Variants in SLC24A2 observed in about 807,000 individuals in gnomAD.
SLC24A2 encodes the protein solute carrier family 24 member 2, also known as sodium/potassium/calcium exchanger 2.
In SLC24A2, 36 loss-of-function variants were observed where a neutral mutation model predicts 62.0. The ratio of observed to expected loss-of-function variants is 0.58; its 90% CI spans 0.44 to 0.77. SLC24A2 has a LOEUF of 0.77. SLC24A2 is among the 30% of genes least tolerant of loss of function. The pLI, the probability that SLC24A2 is intolerant of heterozygous loss-of-function variation, is 0.00. For missense variants in SLC24A2, 846 were observed against 817.9 expected (o/e 1.03, Z -0.42); for synonymous variants, 358 against 294.0 (o/e 1.22, Z -2.23).
the SLC24A2 span, among the ~76,000 whole-genome samples, chr9:20,206,785 T>C: frequency 1.3e-5 from 2 of 152,202 alleles, no homozygotes; most frequent in South Asian, 2.1e-4. Context: ...GGCCGCTTTA[T>C]TACTTTTAAT....
the SLC24A2 span, among the ~76,000 whole-genome samples, chr9:20,195,993 G>C: frequency 2.3e-4 from 35 of 152,020 alleles, no homozygotes; most frequent in African/African-American, 8.2e-4. Context: ...AATACCAAAG[G>C]TCAATAAACA....
chr9:19,692,266 T>C (rs527497397), intron 2 of SLC24A2, among the ~76,000 whole-genome samples: 127 of 152,278 alleles, frequency 8.3e-4, no homozygotes, highest in Non-Finnish European at 1.6e-3. Flanking sequence ...TGTTGTCAAG[T>C]CACAAAACAG....
At chr9:19,533,510 G>C (rs1238797354) in intron 8 of SLC24A2, among the ~76,000 whole-genome samples, 1 of 152,226 alleles carries the variant, frequency 6.6e-6, no homozygotes, top group Non-Finnish European at 1.5e-5. Flanking sequence ...TTTCAAACTA[G>C]ATCTCAAGAG....
the SLC24A2 span, among the ~76,000 whole-genome samples, chr9:19,813,259 C>A: frequency 6.6e-6 from 1 of 151,932 alleles, no homozygotes. Flanking sequence ...TGGGCAAATA[C>A]CCTCAGAGAG....
the SLC24A2 span, among the ~76,000 whole-genome samples, chr9:19,948,800 G>A: frequency 2.2e-5 from 3 of 135,082 alleles, no homozygotes; most frequent in East Asian, 2.3e-4. Flanking sequence ...AGCGGAGATC[G>A]CGCCACAGCA....
At chr9:20,052,998 T>G in the SLC24A2 span, among the ~76,000 whole-genome samples, 15 of 152,222 alleles carry the variant, frequency 9.9e-5, no homozygotes, top group Non-Finnish European at 1.5e-4. Context: ...ATCTCCACTT[T>G]TTTAAAAGCA....
the SLC24A2 span, among the ~76,000 whole-genome samples, chr9:19,965,812 C>T: frequency 1.3e-5 from 2 of 152,156 alleles, no homozygotes; most frequent in African/African-American, 2.4e-5. Flanking sequence ...CATCCTGCAA[C>T]CAGAAGGAAT....
chr9:19,663,223 C>T (rs1211319683), intron 2 of SLC24A2, among the ~76,000 whole-genome samples: 1 of 152,192 alleles, frequency 6.6e-6, no homozygotes, highest in Non-Finnish European at 1.5e-5. Flanking sequence ...GGTCAGGAGA[C>T]TTGCTCAAGG....
chr9:20,275,564 G>A, the SLC24A2 span, among the ~76,000 whole-genome samples: 337 of 152,276 alleles, frequency 2.2e-3, 1 homozygote, highest in African/African-American at 7.5e-3. Context: ...TCCCAGCTCT[G>A]ATGAGGCCTT....
At chr9:19,929,949 C>T in the SLC24A2 span, 1 of 147,880 alleles carries the variant, frequency 6.8e-6, no homozygotes, top group African/African-American at 2.7e-5. Context: ...TATAGAATAA[C>T]GATATAAAAA....
chr9:19,700,707 T>G (rs1820331760), intron 2 of SLC24A2, among the ~76,000 whole-genome samples: 1 of 152,216 alleles, frequency 6.6e-6, no homozygotes, highest in African/African-American at 2.4e-5. Context: ...CTCCCTAGAT[T>G]CTGGATTTAT....
chr9:19,577,653 G>T (rs1375320453), intron 5 of SLC24A2, among the ~76,000 whole-genome samples: 1 of 152,062 alleles, frequency 6.6e-6, no homozygotes, highest in African/African-American at 2.4e-5. Flanking sequence ...GATTCCATTT[G>T]TGGATTTAGG....
chr9:19,699,666 A>G (rs1052266734), intron 2 of SLC24A2, among the ~76,000 whole-genome samples: 18 of 152,212 alleles, frequency 1.2e-4, no homozygotes, highest in African/African-American at 4.3e-4. Flanking sequence ...TGTATCATAA[A>G]CACTGGAAAG....
At chr9:20,008,130 A>G in the SLC24A2 span, among the ~76,000 whole-genome samples, 5 of 151,686 alleles carry the variant, frequency 3.3e-5, no homozygotes, top group African/African-American at 1.2e-4. Flanking sequence ...TCCTGACCTC[A>G]AGTGATCCAC....
chr9:20,007,569 T>G, the SLC24A2 span, among the ~76,000 whole-genome samples: 1 of 152,122 alleles, frequency 6.6e-6, no homozygotes, highest in Non-Finnish European at 1.5e-5. Flanking sequence ...ATAAATCCAT[T>G]TATGAGTATA....
intron 2 of SLC24A2, among the ~76,000 whole-genome samples, chr9:19,752,100 G>C (rs188086202): frequency 2.3e-4 from 35 of 152,292 alleles, no homozygotes; most frequent in African/African-American, 8.4e-4. Context: ...TTTGATGAGT[G>C]CTTGCGACAC....
chr9:20,037,806 G>C, the SLC24A2 span, among the ~76,000 whole-genome samples: 1 of 152,176 alleles, frequency 6.6e-6, no homozygotes, highest in East Asian at 1.9e-4. Context: ...TGTGTAAATG[G>C]CCTCTAGTAG....
the SLC24A2 span, among the ~76,000 whole-genome samples, chr9:19,920,892 C>T: frequency 3.7e-4 from 56 of 152,284 alleles, no homozygotes; most frequent in African/African-American, 1.2e-3. Flanking sequence ...CAAACCAGAT[C>T]TGCTCCTGTT....
At chr9:19,788,862 G>T (rs1823259052) in intron 1 of SLC24A2, 23 bp downstream of exon 1, 5 of 985,448 alleles carry the variant, frequency 5.1e-6, no homozygotes, top group Non-Finnish European at 6.0e-6. Context: ...AGCGGCAGGC[G>T]GGGCGCAGCC....
Sources: gnomAD v4.1 joint callset for allele counts (sites outside exome capture counted in the v4.1 genomes callset) on GRCh38, gnomAD v4.1.1 for gene constraint, MANE v1.5 for transcripts, NCBI Gene and HGNC (gene_info 2026-07-23, HGNC 2026-07-21) for gene names.